Variants in NEDD4L observed in about 807,000 individuals in gnomAD.
NEDD4L encodes NEDD4 like E3 ubiquitin protein ligase.
Under a neutral mutation model 148.9 loss-of-function variants are expected in NEDD4L, and 54 were observed. That is an observed-to-expected ratio of 0.36 (90% CI 0.29 to 0.45). The LOEUF (loss-of-function observed/expected upper bound fraction) is 0.45. Among genes scored for constraint, NEDD4L ranks in the 20% least tolerant of loss-of-function variants. The pLI is 1.00. For missense variants in NEDD4L, 856 were observed against 1,233.8 expected, an observed-to-expected ratio of 0.69 and a Z score of 4.59; for synonymous variants, 433 against 440.7, an observed-to-expected ratio of 0.98 and a Z score of 0.22.
chr18:58,377,942 A>C (rs1394325621), intron 24 of NEDD4L, among the ~76,000 whole-genome samples: 1 of 152,100 alleles, frequency 6.6e-6, no homozygotes, highest in Non-Finnish European at 1.5e-5. Flanking sequence ...ACAGGACTTC[A>C]TCATATTGCC....
chr18:58,311,126 A>G (rs1321711212), intron 5 of NEDD4L, among the ~76,000 whole-genome samples: 1 of 151,894 alleles, frequency 6.6e-6, no homozygotes, highest in East Asian at 1.9e-4. Context: ...AATTCTTTTG[A>G]TGGCACACAA....
chr18:58,053,861 T>G (rs2081986308), intron 1 of NEDD4L, among the ~76,000 whole-genome samples: 1 of 152,200 alleles, frequency 6.6e-6, no homozygotes, highest in Non-Finnish European at 1.5e-5. Context: ...CTGTTATGAA[T>G]GAATGTTGGA....
At chr18:58,056,623 C>A (rs963137001) in intron 1 of NEDD4L, among the ~76,000 whole-genome samples, 1 of 151,986 alleles carries the variant, frequency 6.6e-6, no homozygotes, top group Non-Finnish European at 1.5e-5. Context: ...CTCTGTAGCC[C>A]AAGCAAGAGT....
intron 13 of NEDD4L, among the ~76,000 whole-genome samples, chr18:58,339,107 C>T (rs181583449): frequency 6.7e-6 from 1 of 149,864 alleles, no homozygotes; most frequent in African/African-American, 2.5e-5. Context: ...CTGAGTTTTC[C>T]AGGGGCGGGG....
chr18:58,216,139 C>T (rs1378427371), intron 2 of NEDD4L, among the ~76,000 whole-genome samples: 1 of 152,162 alleles, frequency 6.6e-6, no homozygotes, highest in African/African-American at 2.4e-5. Flanking sequence ...AGCACAAAGA[C>T]TCACTGTGCC....
At chr18:58,361,886 TAA>T (rs33923139) in intron 19 of NEDD4L, among the ~76,000 whole-genome samples, 2,132 of 148,260 alleles carry the variant, frequency 0.014, 55 homozygotes, top group African/African-American at 0.049. Context: ...GTCCAATAAT[TAA>T]AAAAAAAAAA....
rs139594765 is a variant in NEDD4L, at chr18:58,400,230, C to T, written c.*3961C>T. 6.6e-6 allele frequency: 1 copy of T among 152,178 alleles called. No homozygotes were observed. Among genetic ancestry groups the T allele is most frequent in the Non-Finnish European group, 1.5e-5 (1 of 68,076 alleles). The allele number at this position is 152,178 out of a possible 1,614,324, so 9.4% of individuals were successfully genotyped here. A position where few individuals can be genotyped will look rare whatever the true frequency, so the allele number is the denominator to read the frequency against. The stretch of plus-strand genomic sequence containing the variant: ...CTCCCTTCCTGACCTCCCCTGACCC[C>T]GAAGATCACTACCTCTGTCATTCAG... On this transcript the variant is annotated 3_prime_UTR_variant, in exon 31 of 31. Coordinates refer to ENST00000400345, the MANE Select transcript of NEDD4L (RefSeq NM_001144967.3).
intron 2 of NEDD4L, among the ~76,000 whole-genome samples, chr18:58,236,167 G>A (rs138836564): frequency 6.6e-6 from 1 of 151,796 alleles, no homozygotes; most frequent in Non-Finnish European, 1.5e-5. Flanking sequence ...GACCAACCTG[G>A]GCAACATAGT....
At chr18:58,275,529 T>G (rs1354933369) in intron 5 of NEDD4L, among the ~76,000 whole-genome samples, 2 of 152,308 alleles carry the variant, frequency 1.3e-5, no homozygotes, top group East Asian at 1.9e-4. Context: ...TTTGGAGAGA[T>G]AACACAGGCC....
rs767077849 is a variant in NEDD4L at position 58,044,622 on chromosome 18, G to T, written c.-39G>T. On this transcript the variant is annotated 5_prime_UTR_variant, in exon 1 of 31. Coordinates refer to ENST00000400345, the MANE Select transcript of NEDD4L (RefSeq NM_001144967.3). ...CGGCCGTCCGCGCCGCAGCACAGCC[G>T]CTGGGAGCGCCTCAGACCCCGCGCG... 3 of 1,571,386 alleles carry T rather than the reference G, an allele frequency of 1.9e-6. No individual in the cohort carries two copies. Among genetic ancestry groups the T allele is most frequent in the East Asian group, 2.4e-5 (1 of 41,268 alleles).
intron 5 of NEDD4L, among the ~76,000 whole-genome samples, chr18:58,312,700 G>C (rs1368670696): frequency 6.6e-6 from 1 of 152,166 alleles, no homozygotes; most frequent in Non-Finnish European, 1.5e-5. Context: ...TTGTTTTTGA[G>C]ATGGAGTCTT....
At position 58,296,315 on chromosome 18, in the gene NEDD4L, A is replaced by C. The variant is rs1270522061; in HGVS notation, c.298-19667A>C. ...CCTCCAGGTCTTTTCTTCCTAAAGCAGGCTTTGGAGCAAAGCCTGACCGGT... is the reference window on the plus strand; with the variant it reads ...CCTCCAGGTCTTTTCTTCCTAAAGCCGGCTTTGGAGCAAAGCCTGACCGGT... On this transcript the variant is annotated intron_variant, in intron 5 of 30. Transcript: ENST00000400345. 2.6e-5 allele frequency among the ~76,000 whole-genome samples: 4 copies of C among 152,322 alleles called. No individual in the cohort carries two copies. In the South Asian group the frequency reaches 8.3e-4, roughly 32 times the overall value.
At chr18:58,323,582 A>G (rs1021465551) in intron 8 of NEDD4L, among the ~76,000 whole-genome samples, 2 of 152,194 alleles carry the variant, frequency 1.3e-5, no homozygotes, top group African/African-American at 2.4e-5. Context: ...CTATTCCCCA[A>G]TTTTAGCCCC....
intron 1 of NEDD4L, among the ~76,000 whole-genome samples, chr18:58,112,358 G>GTCTT (rs1347616737): frequency 1.5e-5 from 2 of 134,714 alleles, no homozygotes; most frequent in East Asian, 2.2e-4. Flanking sequence ...GTTCCTATTT[G>GTCTT]TCTTTATTTA....
chr18:58,384,985 AT>A (rs1369754766), intron 25 of NEDD4L, among the ~76,000 whole-genome samples: 14 of 152,344 alleles, frequency 9.2e-5, no homozygotes, highest in Admixed American at 9.2e-4. Flanking sequence ...AAATTTTGGC[AT>A]TAAATTATGA....
At chr18:58,365,721 G>T (rs1209896133) in intron 20 of NEDD4L, among the ~76,000 whole-genome samples, 1 of 152,208 alleles carries the variant, frequency 6.6e-6, no homozygotes, top group African/African-American at 2.4e-5. Flanking sequence ...AGTGCCCACA[G>T]TTGTTTATTA....
At chr18:58,068,573 AG>A (rs1453266226) in intron 1 of NEDD4L, among the ~76,000 whole-genome samples, 1 of 152,256 alleles carries the variant, frequency 6.6e-6, no homozygotes. Flanking sequence ...TAGTCTCAGC[AG>A]ATGGAAAAAT....
intron 1 of NEDD4L, among the ~76,000 whole-genome samples, chr18:58,087,359 C>T (rs768688058): frequency 3.6e-4 from 55 of 152,236 alleles, no homozygotes; most frequent in Non-Finnish European, 7.1e-4. Flanking sequence ...GAAAGGCCCT[C>T]CAGGTTCTAG....
chr18:58,386,681 C>T (rs1236437926), intron 26 of NEDD4L, among the ~76,000 whole-genome samples: 1 of 152,180 alleles, frequency 6.6e-6, no homozygotes, highest in African/African-American at 2.4e-5. Flanking sequence ...GAAACAGCCT[C>T]GTGTCCACGT....
Sources: gnomAD v4.1 joint callset for allele counts (sites outside exome capture counted in the v4.1 genomes callset) on GRCh38, gnomAD v4.1.1 for gene constraint, MANE v1.5 for transcripts, NCBI Gene and HGNC (gene_info 2026-07-23, HGNC 2026-07-21) for gene names.